The following ABCB5 variants were observed in gnomAD, a reference collection of about 807,000 sequenced individuals.
The protein encoded by ABCB5 is ATP binding cassette subfamily B member 5.
A neutral mutation model predicts 144.2 loss-of-function variants in ABCB5; 155 were observed. That is an observed-to-expected ratio of 1.08 (90% CI 0.94 to 1.23). ABCB5 has a LOEUF of 1.23. ABCB5 is among the 50% of genes most tolerant of loss of function. The pLI is 0.00. For missense variants in ABCB5, 1,830 were observed against 1,520.8 expected (o/e 1.20, Z -3.38); for synonymous variants, 610 against 528.6 (o/e 1.15, Z -2.11).
At chr7:20,743,137 A>G in intron 25 of ABCB5, 63 bp downstream of exon 25, 2 of 1,550,280 alleles carry the variant, frequency 1.3e-6, no homozygotes, top group Non-Finnish European at 1.8e-6. Context: ...AACATTCACT[A>G]GGGCTTAAGC....
At chr7:20,708,030 C>G (rs1393990598) in intron 20 of ABCB5, among the ~76,000 whole-genome samples, 1 of 151,980 alleles carries the variant, frequency 6.6e-6, no homozygotes, top group African/African-American at 2.4e-5. Flanking sequence ...TGGTCTCGAT[C>G]TCCTGACCTC....
chr7:20,687,127 G>A (rs547337842), intron 16 of ABCB5, among the ~76,000 whole-genome samples: 37 of 152,242 alleles, frequency 2.4e-4, no homozygotes, highest in African/African-American at 8.2e-4. Flanking sequence ...GTACAAGAAA[G>A]TTTGTACTGA....
intron 27 of ABCB5, among the ~76,000 whole-genome samples, chr7:20,754,188 T>C (rs1192924477): frequency 6.6e-6 from 1 of 152,258 alleles, no homozygotes; most frequent in Non-Finnish European, 1.5e-5. Flanking sequence ...AGCATGCCCA[T>C]TTTACAGATT....
intron 14 of ABCB5, chr7:20,659,027 C>T (rs1479860866): frequency 1.9e-6 from 3 of 1,599,928 alleles, no homozygotes; most frequent in Non-Finnish European, 2.6e-6. Flanking sequence ...TCTACATACA[C>T]CTGTGGGATT....
chr7:20,664,325 A>C (rs1011559), intron 14 of ABCB5, among the ~76,000 whole-genome samples: 27,347 of 152,074 alleles, frequency 0.18, 2,846 homozygotes, highest in African/African-American at 0.29. Flanking sequence ...GTGGGTTAAA[A>C]CCACTTTTGT....
At chr7:20,713,237 A>AT (rs113757659) in intron 20 of ABCB5, among the ~76,000 whole-genome samples, 2,712 of 140,966 alleles carry the variant, frequency 0.019, 204 homozygotes, top group African/African-American at 0.06. Context: ...ATGCCTGGGA[A>AT]TTTTTTTTTT....
Position 20,742,278 on chromosome 7 carries a change from G to A in ABCB5, c.3025-599G>A, listed in dbSNP as rs961667520. The stretch of plus-strand genomic sequence containing the variant: ...GGTCCCAGCTACTCAGGAGGCTGAG[G>A]TGGGAGGATGGCTTGAGCCTGGGAA... On this transcript the variant is annotated intron_variant, in intron 24 of 27. Transcript: ENST00000404938. Among the ~76,000 whole-genome samples, 4 of 152,324 alleles carry A rather than the reference G, an allele frequency of 2.6e-5. No homozygotes were observed. In the East Asian group the frequency reaches 7.7e-4, roughly 29 times the overall value.
intron 9 of ABCB5, among the ~76,000 whole-genome samples, chr7:20,646,574 C>T (rs1387411746): frequency 6.6e-6 from 1 of 152,200 alleles, no homozygotes; most frequent in African/African-American, 2.4e-5. Context: ...GTCCTTTCAG[C>T]ATGTAGTAAT....
chr7:20,651,739 G>A, intron 13 of ABCB5, 116 bp downstream of exon 13: 1 of 1,118,112 alleles, frequency 8.9e-7, no homozygotes, highest in Non-Finnish European at 1.3e-6. Flanking sequence ...TTAAATTCTG[G>A]ATTGTCCTAG....
At chr7:20,679,485 A>AAAAAAAAAAAAAAAAG (rs1396302002) in intron 14 of ABCB5, among the ~76,000 whole-genome samples, 1 of 147,456 alleles carries the variant, frequency 6.8e-6, no homozygotes, top group African/African-American at 2.6e-5. Flanking sequence ...AAAAAAAAAA[A>AAAAAAAAAAAAAAAAG]AGAGAGAGAG....
intron 16 of ABCB5, among the ~76,000 whole-genome samples, chr7:20,688,946 A>G (rs185077097): frequency 0.031 from 4,776 of 151,868 alleles, 120 homozygotes; most frequent in Non-Finnish European, 0.053. Context: ...GAAGGGGAAC[A>G]TCACACACCA....
intron 20 of ABCB5, among the ~76,000 whole-genome samples, chr7:20,722,435 T>C (rs1362440477): frequency 6.6e-6 from 1 of 152,226 alleles, no homozygotes; most frequent in African/African-American, 2.4e-5. Flanking sequence ...AAGGAGGTAG[T>C]ATTTAATTTC....
chr7:20,646,054 T>A lies in ABCB5; in HGVS notation c.897T>A (p.Asn299Lys), dbSNP rs567796495. Residue 299 changes from asparagine to lysine, a missense_variant, in exon 9 of 28, where the codon AAT becomes AAA. Transcript: ENST00000404938. ...VSLGAVYFFM[N>K]GTYGLAFWYG... ...TTGGTGCTGTGTACTTCTTTATGAA[T>A]GGAACCTATGGACTTGCTTTTTGGT... is the stretch of plus-strand genomic sequence containing the variant. The A allele has an allele frequency of 2.3e-5, 37 of 1,613,864 alleles. No homozygotes were observed. The East Asian group carries it at 6.9e-4, about 30-fold the overall frequency.
At chr7:20,629,762 C>T (rs998098702) in intron 4 of ABCB5, among the ~76,000 whole-genome samples, 2 of 150,428 alleles carry the variant, frequency 1.3e-5, no homozygotes, top group South Asian at 2.1e-4. Context: ...AACTCCATCT[C>T]AAAGAAAAAA....
At chr7:20,722,115 T>G (rs10266338) in intron 20 of ABCB5, among the ~76,000 whole-genome samples, 16,558 of 152,238 alleles carry the variant, frequency 0.11, 1,115 homozygotes, top group African/African-American at 0.2. Flanking sequence ...CTTTCTTTAG[T>G]TTTTTGTTAA....
chr7:20,700,070 G>C lies in ABCB5; in HGVS notation c.2272G>C (p.Gly758Arg). The change falls in exon 19 of 28, where the codon GGC becomes CGC. Residue 758 changes from glycine (G) to arginine (R), a missense_variant. Gly to Arg is a moderately radical substitution (Grantham distance 125). Transcript: ENST00000404938. ...GTTTGCTTTTCAGGGATTATTTTAC[G>C]GCAGAGCAGGGGAAATTTTAACGAT... ...VSYFMQGLFY[G>R]RAGEILTMRL... 1 of 1,613,708 alleles carries C rather than the reference G, an allele frequency of 6.2e-7. No individual in the cohort carries two copies. The highest frequency in any genetic ancestry group is 1.1e-5 in the South Asian group (1 of 91,036).
Position 20,680,970 on chromosome 7 carries a change from TTTTCTTTCTTTCTTTC to T in ABCB5, c.1708-485_1708-470del, listed in dbSNP as rs1244502074. ...TTCTTTCCCTCCCTCCCTCCTTTCT[TTTTCTTTCTTTCTTTC>T]TTTCTTTCTTTCTTTCTTTCTTTCT... On this transcript the variant is annotated intron_variant, in intron 14 of 27. Coordinates refer to ENST00000404938, the MANE Select transcript of ABCB5 (RefSeq NM_001163941.2). 2.0e-4 allele frequency among the ~76,000 whole-genome samples: 26 copies of T among 131,152 alleles called. 2 individuals are homozygous for T. Among genetic ancestry groups the T allele is most frequent in the South Asian group, 1.1e-3 (4 of 3,752 alleles). The allele number at this position is 131,152 out of a possible 152,430, so 86.0% of individuals were successfully genotyped here.
intron 16 of ABCB5, among the ~76,000 whole-genome samples, chr7:20,686,514 C>T (rs1786006089): frequency 6.6e-6 from 1 of 152,162 alleles, no homozygotes; most frequent in Admixed American, 6.5e-5. Context: ...CCTGAACATT[C>T]TCTGCAGCAC....
rs866196131 is a variant in ABCB5 at position 20,711,848 on chromosome 7, T to C, written c.2421+7041T>C. ...TCTTTCTTTCTTTCTTTCTTTCTTT[T>C]CTTTCTTTCTTTCCTTCCTCCCTCC... On this transcript the variant is annotated intron_variant, in intron 20 of 27. Transcript: ENST00000404938. Among the ~76,000 whole-genome samples, 128 of 62,276 alleles carry C rather than the reference T, an allele frequency of 2.1e-3. 14 individuals carry two copies. The highest frequency in any genetic ancestry group is 7.3e-3 in the African/African-American group (104 of 14,158). 40.9% of individuals were successfully genotyped at this position (62,276 alleles called of 152,430 possible).
Sources: allele counts gnomAD v4.1 joint callset (sites outside exome capture counted in the v4.1 genomes callset), GRCh38; gene constraint gnomAD v4.1.1; transcripts MANE v1.5; gene names NCBI Gene and HGNC (gene_info 2026-07-23, HGNC 2026-07-21).